Variants in THADA observed in about 807,000 individuals in gnomAD.
The protein encoded by THADA is THADA armadillo repeat containing, also known as tRNA (32-2'-O)-methyltransferase regulator THADA.
A neutral mutation model predicts 219.8 loss-of-function variants in THADA; 213 were observed. The ratio of observed to expected loss-of-function variants is 0.97; its 90% confidence interval spans 0.87 to 1.09. The LOEUF (loss-of-function observed/expected upper bound fraction) is 1.09. Ranked by LOEUF, THADA falls within the 50% of genes least tolerant of loss-of-function variation. The probability of loss-of-function intolerance (pLI) is 0.00; values close to 1 mark genes in which losing one functional copy is unlikely to be tolerated. For missense variants in THADA, 2,956 were observed against 2,311.3 expected, an observed-to-expected ratio of 1.28 and a Z score of -5.72; for synonymous variants, 1,018 against 828.9, an observed-to-expected ratio of 1.23 and a Z score of -3.92.
At chr2:43,370,495 T>C (rs1670672967) in intron 29 of THADA, among the ~76,000 whole-genome samples, 1 of 152,216 alleles carries the variant, frequency 6.6e-6, no homozygotes, top group African/African-American at 2.4e-5. Context: ...TGTTCAAGGA[T>C]GCTTATTTGA....
At chr2:43,576,792 C>A (rs1293315931) in intron 10 of THADA, among the ~76,000 whole-genome samples, 1 of 152,106 alleles carries the variant, frequency 6.6e-6, no homozygotes, top group Non-Finnish European at 1.5e-5. Flanking sequence ...GTAGCTGAGA[C>A]TACAGGCGCA....
chr2:43,425,539 T>C lies in THADA; in HGVS notation c.4058+2561A>G, dbSNP rs561384013. Among the ~76,000 whole-genome samples the C allele has an allele frequency of 2.4e-4, 36 of 151,698 alleles. 1 individual carries two copies. Among genetic ancestry groups the C allele is most frequent in the African/African-American group, 8.5e-4 (35 of 41,322 alleles). On this transcript the variant is annotated intron_variant, in intron 28 of 37. Coordinates refer to ENST00000405975, the MANE Select transcript of THADA (RefSeq NM_022065.5). ...TTTAATTTTGCTACTCAAAATGTGATCTACAGACCAGCAGCAGTGGCATTA... is the reference window on the plus strand; with the variant it reads ...TTTAATTTTGCTACTCAAAATGTGACCTACAGACCAGCAGCAGTGGCATTA...
At chr2:43,499,143 G>GT (rs1688623018) in intron 24 of THADA, among the ~76,000 whole-genome samples, 188 bp from the exon 25 acceptor site, 1 of 152,114 alleles carries the variant, frequency 6.6e-6, no homozygotes, top group Non-Finnish European at 1.5e-5. Context: ...CAAAAAATTA[G>GT]TAAGATTCAA....
At chr2:43,488,612 G>A (rs1183502896) in intron 25 of THADA, among the ~76,000 whole-genome samples, 2 of 152,020 alleles carry the variant, frequency 1.3e-5, no homozygotes, top group African/African-American at 4.8e-5. Context: ...TTTCCAATTT[G>A]GAATATTATG....
At chr2:43,480,175 T>A (rs2104994417) in intron 26 of THADA, among the ~76,000 whole-genome samples, 1 of 152,368 alleles carries the variant, frequency 6.6e-6, no homozygotes, top group East Asian at 1.9e-4. Flanking sequence ...GGCAAGTAGC[T>A]AAACCTCATG....
chr2:43,251,246 G>A (rs548009765), intron 36 of THADA, among the ~76,000 whole-genome samples: 77 of 152,204 alleles, frequency 5.1e-4, no homozygotes, highest in Non-Finnish European at 9.3e-4. Context: ...GCTGCAAAGA[G>A]AAATCTCTTT....
At chr2:43,302,408 T>G (rs1397590035) in intron 31 of THADA, among the ~76,000 whole-genome samples, 1 of 152,252 alleles carries the variant, frequency 6.6e-6, no homozygotes, top group African/African-American at 2.4e-5. Context: ...CTCAAGTATG[T>G]GTGACTGATT....
intron 26 of THADA, among the ~76,000 whole-genome samples, chr2:43,436,469 A>G (rs745831094): frequency 2.6e-5 from 4 of 152,152 alleles, no homozygotes; most frequent in East Asian, 3.8e-4. Context: ...CTGAAGCACA[A>G]TTTGATTGCT....
chr2:43,244,917 C>A (rs958151596), intron 36 of THADA, among the ~76,000 whole-genome samples: 2 of 152,158 alleles, frequency 1.3e-5, no homozygotes, highest in African/African-American at 2.4e-5. Context: ...GCACCCAGCC[C>A]TCTTCTTTCC....
At chr2:43,444,468 G>A (rs1476093505) in intron 26 of THADA, among the ~76,000 whole-genome samples, 1 of 152,132 alleles carries the variant, frequency 6.6e-6, no homozygotes, top group African/African-American at 2.4e-5. Context: ...TCTAATCTTG[G>A]TAATGCCAAG....
At chr2:43,465,829 A>G (rs1573786755) in intron 26 of THADA, among the ~76,000 whole-genome samples, 1 of 152,050 alleles carries the variant, frequency 6.6e-6, no homozygotes, top group East Asian at 1.9e-4. Flanking sequence ...CTGCCATTGG[A>G]TGTCCCCCAG....
intron 20 of THADA, among the ~76,000 whole-genome samples, chr2:43,548,438 G>A (rs1257125370): frequency 6.6e-6 from 1 of 152,236 alleles, no homozygotes; most frequent in Non-Finnish European, 1.5e-5. Flanking sequence ...GGTTACTGCT[G>A]TCTTTTTGTT....
chr2:43,320,513 A>C lies in THADA; in HGVS notation c.4371T>G (p.Ala1457=), dbSNP rs1558574974. ...ATAGGAAGAGAATATCAATATATAC[A>C]GCTCTGGTCACCAAACATGGATTTT... ...KRQNPCLVTR[A]VYIDILFLLT... The change falls in exon 31 of 38, where the codon GCT becomes GCG. Residue 1457 remains alanine (A), a synonymous_variant. Transcript: ENST00000405975. 3.1e-6 allele frequency: 5 copies of C among 1,612,922 alleles called. No individual in the cohort carries two copies. The African/African-American group carries it at 5.3e-5, about 17-fold the overall frequency.
intron 30 of THADA, among the ~76,000 whole-genome samples, chr2:43,336,333 G>A (rs757574456): frequency 3.9e-5 from 6 of 152,004 alleles, no homozygotes; most frequent in Non-Finnish European, 5.9e-5. Flanking sequence ...GTGCAGTGGC[G>A]CGATCTCGGC....
chr2:43,505,057 A>G (rs932821580), intron 24 of THADA, among the ~76,000 whole-genome samples: 1 of 152,194 alleles, frequency 6.6e-6, no homozygotes, highest in Non-Finnish European at 1.5e-5. Flanking sequence ...AAAAGGAACT[A>G]AATGCTAGTA....
chr2:43,586,684 T>C lies in THADA; in HGVS notation c.484+18A>G. 1 of 1,603,016 alleles carries C rather than the reference T, an allele frequency of 6.2e-7. No homozygotes were observed. The highest frequency in any genetic ancestry group is 1.1e-5 in the South Asian group (1 of 88,252). On this transcript the variant is annotated intron_variant, in intron 6 of 37. Coordinates refer to ENST00000405975, the MANE Select transcript of THADA (RefSeq NM_022065.5). ...CAAGCCATCAACTCATGGAACAAAA[T>C]AAAATAATAGGACTTACCATTTTTA... is the stretch of plus-strand genomic sequence containing the variant.
chr2:43,383,217 A>G (rs1558670658), intron 29 of THADA, among the ~76,000 whole-genome samples: 1 of 152,192 alleles, frequency 6.6e-6, no homozygotes, highest in Non-Finnish European at 1.5e-5. Flanking sequence ...GATTGACAGT[A>G]TCAAAATTGG....
At chr2:43,501,611 C>T (rs747883498) in intron 24 of THADA, among the ~76,000 whole-genome samples, 2 of 152,012 alleles carry the variant, frequency 1.3e-5, no homozygotes, top group Non-Finnish European at 2.9e-5. Flanking sequence ...ATTCACCTTG[C>T]CAGATATTCT....
chr2:43,503,258 A>G (rs1044130738), intron 24 of THADA, among the ~76,000 whole-genome samples: 12 of 152,226 alleles, frequency 7.9e-5, no homozygotes, highest in African/African-American at 2.9e-4. Context: ...ACACACAAGA[A>G]TGTTTGTTTC....
Sources: allele counts gnomAD v4.1 joint callset (sites outside exome capture counted in the v4.1 genomes callset), GRCh38; gene constraint gnomAD v4.1.1; transcripts MANE v1.5; gene names NCBI Gene and HGNC (gene_info 2026-07-23, HGNC 2026-07-21).